RIMS1: variants seen among roughly 807,000 people sequenced by gnomAD.
The protein encoded by RIMS1 is regulating synaptic membrane exocytosis 1.
A neutral mutation model predicts 214.1 loss-of-function variants in RIMS1; 83 were observed. The ratio of observed to expected loss-of-function variants is 0.39; its 90% CI spans 0.32 to 0.47. The LOEUF is 0.47. Ranked by LOEUF, RIMS1 falls within the 20% of genes least tolerant of loss-of-function variation. The pLI is 0.99. For synonymous variants in RIMS1, 793 were observed against 786.8 expected (o/e 1.01, Z -0.13); for missense variants, 2,050 against 2,161.8 (o/e 0.95, Z 1.03).
At chr6:71,889,093 C>T (rs1768760855) in intron 1 of RIMS1, among the ~76,000 whole-genome samples, 1 of 152,168 alleles carries the variant, frequency 6.6e-6, no homozygotes, top group Non-Finnish European at 1.5e-5. Context: ...CTGTTTGCTG[C>T]AGACAGCAGG....
intron 1 of RIMS1, among the ~76,000 whole-genome samples, chr6:71,911,320 T>G (rs1471380667): frequency 6.6e-6 from 1 of 152,170 alleles, no homozygotes; most frequent in Non-Finnish European, 1.5e-5. Flanking sequence ...AGTTGGCCCC[T>G]TGGGTAGAAG....
intron 29 of RIMS1, among the ~76,000 whole-genome samples, chr6:72,354,221 A>G (rs781184332): frequency 9.9e-5 from 15 of 151,550 alleles, no homozygotes; most frequent in Non-Finnish European, 1.9e-4. Flanking sequence ...CTCCGTCTCA[A>G]TAAATAAATA....
chr6:72,149,322 AC>A (rs1357101213), intron 4 of RIMS1, among the ~76,000 whole-genome samples: 3 of 152,168 alleles, frequency 2.0e-5, no homozygotes, highest in African/African-American at 7.2e-5. Context: ...GAAAAAAAGT[AC>A]CATTGAAAAG....
At chr6:72,128,634 T>G (rs2039977604) in intron 4 of RIMS1, among the ~76,000 whole-genome samples, 1 of 152,170 alleles carries the variant, frequency 6.6e-6, no homozygotes, top group African/African-American at 2.4e-5. Flanking sequence ...GTGTTTTCTA[T>G]TGTACAGAAA....
At chr6:72,257,825 C>T (rs943189330) in intron 16 of RIMS1, among the ~76,000 whole-genome samples, 2 of 152,118 alleles carry the variant, frequency 1.3e-5, no homozygotes, top group African/African-American at 4.8e-5. Context: ...CGAACTCGTT[C>T]ATTATTTAAA....
At chr6:71,941,765 C>T (rs747857558) in intron 1 of RIMS1, among the ~76,000 whole-genome samples, 41 of 152,112 alleles carry the variant, frequency 2.7e-4, no homozygotes, top group Non-Finnish European at 5.0e-4. Context: ...GCTTGGTTTT[C>T]GTGGGACATT....
intron 1 of RIMS1, among the ~76,000 whole-genome samples, chr6:71,936,306 G>C (rs1319815336): frequency 8.2e-6 from 1 of 122,472 alleles, no homozygotes; most frequent in African/African-American, 3.1e-5. Flanking sequence ...CAGCCTGGGC[G>C]ACAGAGCGAG....
rs770652754 is a variant in RIMS1, at chr6:72,292,022, G to C, written c.3826G>C (p.Val1276Leu). Residue 1276 changes from valine to leucine, a missense_variant, in exon 26 of 34, where the codon GTG (valine) becomes CTG (leucine). Physicochemically the swap from Val to Leu is conservative, Grantham distance 32. Around this residue, in one of 6 missense-constraint regions of RIMS1, gnomAD observed 889 missense variants for 885.5 expected, o/e 1.00. Coordinates refer to ENST00000521978, the MANE Select transcript of RIMS1 (RefSeq NM_014989.7). Reference sequence around the variant, plus strand: ...GGGAAGACAGCTCCCACAAGTGCCAGTGAGAAGCGGCAGTATAGAACAAGG... The same window carrying C: ...GGGAAGACAGCTCCCACAAGTGCCACTGAGAAGCGGCAGTATAGAACAAGG... ...RRGRQLPQVP[V>L]RSGSIEQASL... is the part of the protein sequence containing the mutation. 6.4e-6 allele frequency: 10 copies of C among 1,557,580 alleles called. No individual in the cohort carries two copies. In the Admixed American group the frequency reaches 1.9e-4, roughly 30 times the overall value.
chr6:71,978,450 G>A (rs1038396959), intron 2 of RIMS1, among the ~76,000 whole-genome samples: 1 of 151,788 alleles, frequency 6.6e-6, no homozygotes, highest in South Asian at 2.1e-4. Flanking sequence ...ATAGTCTGTT[G>A]GGACAGAAGA....
rs77101848 is a variant in RIMS1 at position 72,305,585 on chromosome 6, G to C, written c.3851-1673G>C. On this transcript the variant is annotated intron_variant, in intron 26 of 33. Transcript: ENST00000521978. Reference sequence around the variant, plus strand: ...CAGATATTTTCACATTTTCTATATTGCATATGTCTTTTGTAAATATAACTC... The same window carrying C: ...CAGATATTTTCACATTTTCTATATTCCATATGTCTTTTGTAAATATAACTC... Among the ~76,000 whole-genome samples, 1,446 of 152,168 alleles carry C rather than the reference G, an allele frequency of 9.5e-3. 9 individuals are homozygous for C. Among genetic ancestry groups the C allele is most frequent in the Non-Finnish European group, 0.012 (822 of 67,956 alleles).
intron 29 of RIMS1, among the ~76,000 whole-genome samples, chr6:72,354,380 C>T (rs941108981): frequency 1.9e-4 from 29 of 152,116 alleles, no homozygotes; most frequent in African/African-American, 6.7e-4. Context: ...ACACTAAGCC[C>T]AATTTTTTTT....
At chr6:71,915,206 A>G (rs565111944) in intron 1 of RIMS1, among the ~76,000 whole-genome samples, 1 of 152,104 alleles carries the variant, frequency 6.6e-6, no homozygotes, top group Non-Finnish European at 1.5e-5. Context: ...TTACAGTTAT[A>G]CTGACTAATG....
intron 26 of RIMS1, among the ~76,000 whole-genome samples, chr6:72,296,406 C>G (rs2154261859): frequency 6.6e-6 from 1 of 152,000 alleles, no homozygotes; most frequent in East Asian, 1.9e-4. Flanking sequence ...TGTTCTGGCC[C>G]TGGCTGCAGT....
chr6:72,067,330 C>A (rs985244372), intron 2 of RIMS1, among the ~76,000 whole-genome samples: 1 of 152,194 alleles, frequency 6.6e-6, no homozygotes, highest in Non-Finnish European at 1.5e-5. Flanking sequence ...CTCCACTCAC[C>A]TTCCTGCTGT....
intron 28 of RIMS1, chr6:72,316,790 CTG>C (rs2095825179): frequency 2.7e-6 from 2 of 727,910 alleles, no homozygotes; most frequent in Non-Finnish European, 5.1e-6. Context: ...ACGGTAGACA[CTG>C]GGGACAGTAG....
At chr6:72,193,695 G>A (rs2050419020) in intron 6 of RIMS1, among the ~76,000 whole-genome samples, 1 of 152,108 alleles carries the variant, frequency 6.6e-6, no homozygotes, top group Admixed American at 6.6e-5. Flanking sequence ...TGAAATAAAA[G>A]TATCTACCTC....
At chr6:72,225,952 A>T (rs1350412236) in intron 6 of RIMS1, among the ~76,000 whole-genome samples, 1 of 152,148 alleles carries the variant, frequency 6.6e-6, no homozygotes, top group East Asian at 1.9e-4. Flanking sequence ...CATGAAATTT[A>T]TTCTTCTCCA....
chr6:72,218,975 G>T (rs2057392864), intron 6 of RIMS1, among the ~76,000 whole-genome samples: 1 of 152,166 alleles, frequency 6.6e-6, no homozygotes, highest in African/African-American at 2.4e-5. Context: ...TCTTCAAGGA[G>T]AATAGATATT....
At chr6:72,065,101 A>G (rs1159062135) in intron 2 of RIMS1, among the ~76,000 whole-genome samples, 2 of 152,226 alleles carry the variant, frequency 1.3e-5, no homozygotes, top group East Asian at 3.8e-4. Context: ...CTGTGATTAG[A>G]GAACATGTCC....
Sources: gnomAD v4.1 joint callset for allele counts (sites outside exome capture counted in the v4.1 genomes callset) on GRCh38, gnomAD v4.1.1 for gene constraint, gnomAD v4.1.1 regional missense constraint, MANE v1.5 for transcripts, NCBI Gene and HGNC (gene_info 2026-07-23, HGNC 2026-07-21) for gene names.